The following JAZF1 variants were observed in gnomAD, a reference collection of about 807,000 sequenced individuals.
JAZF1 encodes the protein JAZF zinc finger 1, also known as juxtaposed with another zinc finger protein 1.
Under a neutral mutation model 26.4 loss-of-function variants are expected in JAZF1, and 8 were observed. That is an observed-to-expected ratio of 0.30 (90% confidence interval 0.18 to 0.55). The LOEUF (loss-of-function observed/expected upper bound fraction) is 0.55, where lower values mean the gene tolerates loss of function less well. Ranked by LOEUF, JAZF1 falls within the 20% of genes least tolerant of loss-of-function variation. JAZF1 has a pLI of 0.94. For synonymous variants in JAZF1, 126 were observed against 122.3 expected (o/e 1.03, Z -0.20); for missense variants, 199 against 322.0 (o/e 0.62, Z 2.92).
rs566929894 is a variant in JAZF1 at position 27,849,818 on chromosome 7, C to T, written c.386-8951G>A. Among the ~76,000 whole-genome samples, 69 of 145,984 alleles carry T rather than the reference C, an allele frequency of 4.7e-4. 1 individual carries two copies. Among genetic ancestry groups the T allele is most frequent in the African/African-American group, 1.6e-3 (60 of 37,728 alleles). On this transcript the variant is annotated intron_variant, in intron 3 of 4. Coordinates refer to ENST00000283928, the MANE Select transcript of JAZF1 (RefSeq NM_175061.4). ...CCGCCCACCTACACGGAGCCCACATCGCCATCCAGGGGCCCCGCCGGGTGC... is the reference window on the plus strand; with the variant it reads ...CCGCCCACCTACACGGAGCCCACATTGCCATCCAGGGGCCCCGCCGGGTGC...
At chr7:27,884,609 A>G (rs762584767) in intron 3 of JAZF1, among the ~76,000 whole-genome samples, 64 of 152,298 alleles carry the variant, frequency 4.2e-4, no homozygotes, top group Admixed American at 2.6e-4. Context: ...CTTGAACTTC[A>G]TGAGTACCCT....
intron 2 of JAZF1, among the ~76,000 whole-genome samples, chr7:27,978,455 T>C (rs985459441): frequency 1.3e-5 from 2 of 152,354 alleles, no homozygotes; most frequent in East Asian, 1.9e-4. Flanking sequence ...TTGATTGAGT[T>C]AGACCATTAG....
intron 1 of JAZF1, among the ~76,000 whole-genome samples, chr7:28,104,715 G>C (rs181805369): frequency 6.6e-6 from 1 of 152,100 alleles, no homozygotes; most frequent in Admixed American, 6.5e-5. Flanking sequence ...TAGGATTCTG[G>C]AACGTATTAG....
intron 1 of JAZF1, among the ~76,000 whole-genome samples, chr7:28,159,204 T>A (rs188934445): frequency 5.3e-5 from 8 of 152,138 alleles, no homozygotes; most frequent in African/African-American, 1.9e-4. Context: ...TAGATGAGAC[T>A]TAGATGCTGA....
chr7:28,155,155 C>T (rs916806280), intron 1 of JAZF1, among the ~76,000 whole-genome samples: 5 of 152,192 alleles, frequency 3.3e-5, no homozygotes, highest in African/African-American at 1.2e-4. Flanking sequence ...TAAAAACACA[C>T]TGTATATTTT....
At chr7:27,924,346 G>A (rs962562969) in intron 2 of JAZF1, among the ~76,000 whole-genome samples, 37 of 152,262 alleles carry the variant, frequency 2.4e-4, no homozygotes, top group South Asian at 2.1e-4. Flanking sequence ...AAAGTGCTGC[G>A]ATTACAGGCG....
intron 2 of JAZF1, among the ~76,000 whole-genome samples, chr7:27,901,268 G>A (rs1170235353): frequency 6.6e-6 from 1 of 152,190 alleles, no homozygotes; most frequent in East Asian, 1.9e-4. Flanking sequence ...AGCAATATTT[G>A]TTATTGCTAG....
chr7:28,064,181 C>T (rs1783843746), intron 1 of JAZF1, among the ~76,000 whole-genome samples: 1 of 151,988 alleles, frequency 6.6e-6, no homozygotes, highest in Non-Finnish European at 1.5e-5. Flanking sequence ...ATTAACACCC[C>T]TCAATGACCG....
Position 28,114,985 on chromosome 7 carries a change from T to C in JAZF1, c.115+65478A>G, listed in dbSNP as rs77044885. Among the ~76,000 whole-genome samples, 1,288 of 152,258 alleles carry C rather than the reference T, an allele frequency of 8.5e-3. 13 individuals carry two copies. Among genetic ancestry groups the C allele is most frequent in the African/African-American group, 0.029 (1,201 of 41,554 alleles). Reference sequence around the variant, plus strand: ...AGTAAAGAGAAGCAGCGTTTGTATGTGCAGGGAAGGGGAATGGGTTAAAGG... The same window carrying C: ...AGTAAAGAGAAGCAGCGTTTGTATGCGCAGGGAAGGGGAATGGGTTAAAGG... On this transcript the variant is annotated intron_variant, in intron 1 of 4. Transcript: ENST00000283928.
In JAZF1 at chr7:27,909,662, C is replaced by T. The variant is rs113157309; in HGVS notation, c.189-14246G>A. Reference sequence around the variant, plus strand: ...GTGGAGGTTGTGGTGAGCTGAGATCCGCCACTGCCCTCCAGCCTGGGCAAC... The same window carrying T: ...GTGGAGGTTGTGGTGAGCTGAGATCTGCCACTGCCCTCCAGCCTGGGCAAC... On this transcript the variant is annotated intron_variant, in intron 2 of 4. Transcript: ENST00000283928. Among the ~76,000 whole-genome samples, 171 of 152,104 alleles carry T rather than the reference C, an allele frequency of 1.1e-3. 2 individuals carry two copies. Among genetic ancestry groups the T allele is most frequent in the African/African-American group, 3.8e-3 (157 of 41,522 alleles).
At chr7:27,978,595 G>A (rs978279931) in intron 2 of JAZF1, among the ~76,000 whole-genome samples, 1 of 152,208 alleles carries the variant, frequency 6.6e-6, no homozygotes, top group African/African-American at 2.4e-5. Flanking sequence ...AGTTGAGGAA[G>A]TAGGTGGAAG....
chr7:28,117,778 T>C (rs970795866), intron 1 of JAZF1, among the ~76,000 whole-genome samples: 14 of 152,232 alleles, frequency 9.2e-5, no homozygotes, highest in African/African-American at 3.4e-4. Context: ...AAACTGCATT[T>C]ATCACATCAT....
chr7:28,073,249 C>T (rs763654058), intron 1 of JAZF1, among the ~76,000 whole-genome samples: 10 of 152,166 alleles, frequency 6.6e-5, no homozygotes, highest in South Asian at 2.1e-4. Context: ...TGTGCCGGAG[C>T]GTGGCTGGAG....
chr7:28,012,588 T>C (rs1364343330), intron 1 of JAZF1, among the ~76,000 whole-genome samples: 1 of 152,090 alleles, frequency 6.6e-6, no homozygotes, highest in Non-Finnish European at 1.5e-5. Flanking sequence ...TAAAGACAGA[T>C]AGGAGGGAAG....
intron 3 of JAZF1, among the ~76,000 whole-genome samples, chr7:27,891,903 G>A (rs894236872): frequency 1.4e-4 from 21 of 152,062 alleles, no homozygotes; most frequent in African/African-American, 4.1e-4. Context: ...AGAAATACTC[G>A]AAACTTTAGG....
chr7:27,880,876 G>A (rs867739205), intron 3 of JAZF1, among the ~76,000 whole-genome samples: 4 of 152,124 alleles, frequency 2.6e-5, no homozygotes, highest in Non-Finnish European at 4.4e-5. Flanking sequence ...CTGTGTTACC[G>A]TGGCTGGTCC....
intron 1 of JAZF1, among the ~76,000 whole-genome samples, chr7:28,039,172 C>G (rs184242358): frequency 2.1e-3 from 318 of 152,220 alleles, no homozygotes; most frequent in Non-Finnish European, 3.7e-3. Context: ...TTACTTAGCC[C>G]TCCTTGGTGC....
At chr7:27,862,502 T>C (rs1038599572) in intron 3 of JAZF1, among the ~76,000 whole-genome samples, 17 of 144,474 alleles carry the variant, frequency 1.2e-4, no homozygotes, top group Non-Finnish European at 1.1e-4. Flanking sequence ...GTTTTCCATA[T>C]ATTCACAGAG....
intron 1 of JAZF1, among the ~76,000 whole-genome samples, chr7:28,130,352 C>T (rs1289206405): frequency 2.0e-5 from 3 of 152,036 alleles, no homozygotes; most frequent in Non-Finnish European, 4.4e-5. Flanking sequence ...TTTAACCTGC[C>T]CTGAGAGTCT....
Sources: allele counts gnomAD v4.1 joint callset (sites outside exome capture counted in the v4.1 genomes callset), GRCh38; gene constraint gnomAD v4.1.1; transcripts MANE v1.5; gene names NCBI Gene and HGNC (gene_info 2026-07-23, HGNC 2026-07-21).